Variants in ADAMTSL1 observed in about 807,000 individuals in gnomAD.
The protein encoded by ADAMTSL1 is ADAMTS-like protein 1.
ADAMTSL1 carries 126 observed loss-of-function variants against 201.8 expected under a neutral mutation model. The observed-to-expected ratio is 0.62, with a 90% CI of 0.54 to 0.72. The LOEUF (loss-of-function observed/expected upper bound fraction) is 0.72. ADAMTSL1 is among the 30% of genes least tolerant of loss of function. The pLI, the probability that ADAMTSL1 is intolerant of heterozygous loss-of-function variation, is 0.00. For missense variants in ADAMTSL1, 2,679 were observed against 2,277.8 expected (o/e 1.18, Z -3.59); for synonymous variants, 1,121 against 903.4 (o/e 1.24, Z -4.32).
chr9:17,931,811 C>A (rs995174031), intron 1 of ADAMTSL1, among the ~76,000 whole-genome samples: 5 of 152,098 alleles, frequency 3.3e-5, no homozygotes, highest in African/African-American at 1.2e-4. Context: ...TGCTGAAACT[C>A]CATCACGGGT....
At chr9:18,684,655 T>C in intron 12 of ADAMTSL1, 61 bp from the exon 13 acceptor site, 2 of 1,536,508 alleles carry the variant, frequency 1.3e-6, no homozygotes, top group Non-Finnish European at 1.8e-6. Flanking sequence ...TAAGGAATTT[T>C]CCTAAAATCC....
rs16936817 is a variant in ADAMTSL1, at chr9:18,516,327, T to C, written c.191+11371T>C. On this transcript the variant is annotated intron_variant, in intron 2 of 28. Transcript: ENST00000380548. The stretch of plus-strand genomic sequence containing the variant: ...TGTCCAAATCATATACAATGGGGGA[T>C]GGACAATTCACCTGGAGGCAGGAAG... 1.3e-3 allele frequency among the ~76,000 whole-genome samples: 199 copies of C among 152,240 alleles called. 5 individuals are homozygous for C. In the East Asian group the frequency reaches 0.031, roughly 24 times the overall value.
chr9:18,702,077 G>A (rs547558483), intron 13 of ADAMTSL1, among the ~76,000 whole-genome samples: 5 of 152,232 alleles, frequency 3.3e-5, no homozygotes, highest in South Asian at 2.1e-4. Flanking sequence ...AAGAGAGCTC[G>A]TGCAGAGAAA....
At chr9:18,555,837 C>T (rs1237545726) in intron 3 of ADAMTSL1, among the ~76,000 whole-genome samples, 10 of 151,792 alleles carry the variant, frequency 6.6e-5, no homozygotes, top group African/African-American at 9.7e-5. Context: ...GTAACAAATA[C>T]GAAGAAAAGA....
At chr9:18,115,736 C>T (rs577596872) in intron 1 of ADAMTSL1, among the ~76,000 whole-genome samples, 4 of 152,158 alleles carry the variant, frequency 2.6e-5, no homozygotes, top group Non-Finnish European at 5.9e-5. Flanking sequence ...GGCCACATAG[C>T]CTGGTACTTT....
intron 2 of ADAMTSL1, among the ~76,000 whole-genome samples, chr9:18,339,222 A>G (rs1835367573): frequency 6.6e-6 from 1 of 152,194 alleles, no homozygotes; most frequent in African/African-American, 2.4e-5. Context: ...ACAAAGATCT[A>G]ATATCCAGAC....
chr9:18,079,685 A>C (rs1213548802), intron 1 of ADAMTSL1, among the ~76,000 whole-genome samples: 1 of 62,818 alleles, frequency 1.6e-5, no homozygotes. Context: ...CTGTCTCAAA[A>C]TAAATAAATA....
At chr9:18,194,171 G>A (rs1270022239) in intron 2 of ADAMTSL1, among the ~76,000 whole-genome samples, 1 of 152,100 alleles carries the variant, frequency 6.6e-6, no homozygotes, top group Non-Finnish European at 1.5e-5. Flanking sequence ...TGAACTCAGT[G>A]CTAAAGTGAT....
chr9:18,567,413 C>T (rs1043745444), intron 3 of ADAMTSL1, among the ~76,000 whole-genome samples: 6 of 152,094 alleles, frequency 3.9e-5, no homozygotes, highest in Non-Finnish European at 8.8e-5. Flanking sequence ...TTGCAGCGAG[C>T]CGAGATCATG....
intron 2 of ADAMTSL1, among the ~76,000 whole-genome samples, chr9:18,375,514 G>A (rs542906587): frequency 4.6e-5 from 7 of 152,062 alleles, no homozygotes; most frequent in African/African-American, 1.2e-4. Flanking sequence ...CATTATACAC[G>A]ATCAAACAAA....
chr9:18,074,471 G>GTTTTCTTTTCTTTTCTTTTC lies in ADAMTSL1; in HGVS notation c.88-89368_88-89349dup, dbSNP rs66552520. 6.3e-3 allele frequency among the ~76,000 whole-genome samples: 805 copies of GTTTTCTTTTCTTTTCTTTTC among 126,918 alleles called. 15 individuals carry two copies. Among genetic ancestry groups the GTTTTCTTTTCTTTTCTTTTC allele is most frequent in the South Asian group, 0.012 (40 of 3,466 alleles). 83.3% of individuals were successfully genotyped at this position (126,918 alleles called of 152,430 possible). A position where few individuals can be genotyped will look rare whatever the true frequency, so the allele number is the denominator to read the frequency against. ...AGATTTATTCATTTCACCACACTGT[G>GTTTTCTTTTCTTTTCTTTTC]TTTTCTTTTCTTTTCTTTTCTTTTC... On this transcript the variant is annotated intron_variant, in intron 1 of 29. Transcript: ENST00000680146.
At chr9:18,090,675 C>A (rs976444455) in intron 1 of ADAMTSL1, among the ~76,000 whole-genome samples, 2 of 152,038 alleles carry the variant, frequency 1.3e-5, no homozygotes, top group Non-Finnish European at 2.9e-5. Flanking sequence ...TGCATGGCGG[C>A]AATGGTTACA....
chr9:17,929,870 C>A (rs74732257), intron 1 of ADAMTSL1, among the ~76,000 whole-genome samples: 1,685 of 152,150 alleles, frequency 0.011, 26 homozygotes, highest in African/African-American at 0.039. Flanking sequence ...TTTTGTTATA[C>A]GTCTGCCATC....
At chr9:18,363,397 A>G (rs550043077) in intron 2 of ADAMTSL1, among the ~76,000 whole-genome samples, 1 of 152,336 alleles carries the variant, frequency 6.6e-6, no homozygotes, top group African/African-American at 2.4e-5. Context: ...ACAGGATTTA[A>G]TTAATTCTTT....
intron 1 of ADAMTSL1, among the ~76,000 whole-genome samples, chr9:18,043,747 A>G (rs1399194708): frequency 6.6e-6 from 1 of 152,106 alleles, no homozygotes; most frequent in African/African-American, 2.4e-5. Context: ...CAGCTTGTGG[A>G]TAATACTTTT....
chr9:18,681,979 A>G lies in ADAMTSL1; in HGVS notation c.1489+20A>G. ...CCAAAGGTAACTTGACAGGTGCTCT[A>G]TTACCAGCCTGTTAATTGTTGTGTG... On this transcript the variant is annotated intron_variant, in intron 12 of 28. Transcript: ENST00000380548. 1 of 1,613,196 alleles carries G rather than the reference A, an allele frequency of 6.2e-7. No individual in the cohort carries two copies. Among genetic ancestry groups the G allele is most frequent in the Non-Finnish European group, 8.5e-7 (1 of 1,179,342 alleles).
At position 18,657,798 on chromosome 9, in the gene ADAMTSL1, T is replaced by C. The variant is rs1219496260; in HGVS notation, c.946+48T>C. 2.7e-6 allele frequency: 4 copies of C among 1,460,746 alleles called. No individual in the cohort carries two copies. The African/African-American group carries it at 5.6e-5, about 20-fold the overall frequency. The allele number at this position is 1,460,746 out of a possible 1,614,324, so 90.5% of individuals were successfully genotyped here. The stretch of plus-strand genomic sequence containing the variant: ...AAAACTGTTGGCTTCTGTGAGGAAA[T>C]ACTTGGGTATTATAAGAGTAGAGTT... On this transcript the variant is annotated intron_variant, in intron 8 of 28. Transcript: ENST00000380548.
chr9:18,520,258 A>G (rs944665642), intron 2 of ADAMTSL1, among the ~76,000 whole-genome samples: 1 of 152,246 alleles, frequency 6.6e-6, no homozygotes, highest in African/African-American at 2.4e-5. Flanking sequence ...AGAAGATCAA[A>G]CAACCAGAGA....
intron 2 of ADAMTSL1, among the ~76,000 whole-genome samples, chr9:18,226,758 C>T (rs576561190): frequency 6.6e-6 from 1 of 152,128 alleles, no homozygotes; most frequent in Admixed American, 6.6e-5. Flanking sequence ...AAGGACAGTG[C>T]CTAGGGCCCA....
Sources: allele counts gnomAD v4.1 joint callset (sites outside exome capture counted in the v4.1 genomes callset), GRCh38; gene constraint gnomAD v4.1.1; transcripts MANE v1.5; gene names NCBI Gene and HGNC (gene_info 2026-07-23, HGNC 2026-07-21).